Variants in RAPGEF2 observed in about 807,000 individuals in gnomAD.
RAPGEF2 encodes the protein PDZ domain containing guanine nucleotide exchange factor (GEF) 1.
Under a neutral mutation model 186.7 loss-of-function variants are expected in RAPGEF2, and 54 were observed. That is an observed-to-expected ratio of 0.29 (90% CI 0.23 to 0.36). The LOEUF (loss-of-function observed/expected upper bound fraction) is 0.36. RAPGEF2 is among the 10% of genes least tolerant of loss of function. The probability of loss-of-function intolerance (pLI) is 1.00; values close to 1 mark genes in which losing one functional copy is unlikely to be tolerated. For synonymous variants in RAPGEF2, 712 were observed against 705.9 expected (o/e 1.01, Z -0.14); for missense variants, 1,532 against 2,045.0 (o/e 0.75, Z 4.84).
intron 7 of RAPGEF2, among the ~76,000 whole-genome samples, chr4:159,273,938 C>T (rs1005812283): frequency 3.3e-5 from 5 of 151,974 alleles, no homozygotes; most frequent in African/African-American, 9.7e-5. Flanking sequence ...ATTACAGGTG[C>T]GTGCCACCAC....
chr4:159,189,427 G>GGCAAGATATAACATT (rs1747887359), intron 2 of RAPGEF2, among the ~76,000 whole-genome samples: 1 of 152,088 alleles, frequency 6.6e-6, no homozygotes, highest in Non-Finnish European at 1.5e-5. Flanking sequence ...TGTTTTATCC[G>GGCAAGATATAACATT]TTTAGTTTAT....
intron 1 of RAPGEF2, among the ~76,000 whole-genome samples, chr4:159,184,485 A>C (rs1055638731): frequency 6.6e-6 from 1 of 152,158 alleles, no homozygotes; most frequent in Non-Finnish European, 1.5e-5. Flanking sequence ...CATTTCTCTG[A>C]TGGCCAGTGA....
Position 159,358,795 on chromosome 4 carries a change from C to A in RAPGEF2, c.*656C>A, listed in dbSNP as rs1449212700. On this transcript the variant is annotated 3_prime_UTR_variant, in exon 30 of 30. Coordinates refer to ENST00000691494, the MANE Select transcript of RAPGEF2 (RefSeq NM_001394067.2). ...CCTGGTTTCTGAAAAACCAAATATG[C>A]CGGACAGGGTGTGGCCACACCAAGA... 6.6e-6 allele frequency: 1 copy of A among 152,212 alleles called. No homozygotes were observed. Among genetic ancestry groups the A allele is most frequent in the Non-Finnish European group, 1.5e-5 (1 of 68,044 alleles). The allele number at this position is 152,212 out of a possible 1,614,324, so 9.4% of individuals were successfully genotyped here.
At chr4:159,214,029 T>C (rs1387032769) in intron 4 of RAPGEF2, among the ~76,000 whole-genome samples, 1 of 152,222 alleles carries the variant, frequency 6.6e-6, no homozygotes, top group African/African-American at 2.4e-5. Context: ...CAAGGTACAA[T>C]TTATAGTTAT....
intron 12 of RAPGEF2, 77 bp from the exon 13 acceptor site, chr4:159,330,257 A>G (rs13136697): frequency 7.0e-5 from 39 of 559,998 alleles, no homozygotes; most frequent in African/African-American, 2.9e-4. Context: ...GTGTGTGTGT[A>G]TATGTATATG....
chr4:159,115,851 T>A lies in RAPGEF2; in HGVS notation c.69+11620T>A, dbSNP rs1738990595. Among the ~76,000 whole-genome samples the A allele has an allele frequency of 2.0e-5, 3 of 152,230 alleles. No individual in the cohort carries two copies. The South Asian group carries it at 6.2e-4, about 32-fold the overall frequency. ...AGCAATGGGGAGAGGATTCTCTATT[T>A]AATAAATGGTGCTGGGAAAACTGGC... On this transcript the variant is annotated intron_variant, in intron 1 of 29. Transcript: ENST00000691494.
intron 26 of RAPGEF2, chr4:159,351,016 G>C: frequency 6.7e-7 from 1 of 1,498,260 alleles, no homozygotes; most frequent in South Asian, 1.2e-5. Context: ...TCCTGTCCTT[G>C]TTACATGGAT....
chr4:159,194,746 T>C (rs890331211), intron 3 of RAPGEF2, among the ~76,000 whole-genome samples: 3 of 152,216 alleles, frequency 2.0e-5, no homozygotes, highest in Non-Finnish European at 4.4e-5. Context: ...TGATTGTTGA[T>C]TTTCTTTAAG....
intron 1 of RAPGEF2, among the ~76,000 whole-genome samples, chr4:159,169,824 A>G (rs980886662): frequency 6.6e-6 from 1 of 152,030 alleles, no homozygotes; most frequent in African/African-American, 2.4e-5. Flanking sequence ...CCATTGAGGG[A>G]CGTTTAGGTT....
At chr4:159,179,453 A>G (rs1157254859) in intron 1 of RAPGEF2, among the ~76,000 whole-genome samples, 1 of 152,210 alleles carries the variant, frequency 6.6e-6, no homozygotes, top group Non-Finnish European at 1.5e-5. Context: ...TAACTCCCTG[A>G]AGGCCATACA....
At chr4:159,155,581 C>T (rs1290979553) in intron 1 of RAPGEF2, among the ~76,000 whole-genome samples, 2 of 152,172 alleles carry the variant, frequency 1.3e-5, no homozygotes, top group Non-Finnish European at 1.5e-5. Context: ...TATTGTTCCA[C>T]ACCTGAATTG....
rs570394606 is a variant in RAPGEF2 at position 159,199,853 on chromosome 4, GAA to G, written c.197+6599_197+6600del. 4.8e-3 allele frequency among the ~76,000 whole-genome samples: 736 copies of G among 152,246 alleles called. 2 individuals carry two copies. Among genetic ancestry groups the G allele is most frequent in the African/African-American group, 0.017 (690 of 41,518 alleles). On this transcript the variant is annotated intron_variant, in intron 3 of 29. Transcript: ENST00000691494. ...CTGAGACCCAGGTGACTCCAGGTGA[GAA>G]ACAGGTTTCTTGTGAAGATAAAATT... is the stretch of plus-strand genomic sequence containing the variant.
intron 1 of RAPGEF2, among the ~76,000 whole-genome samples, chr4:159,106,060 C>CT (rs1324031783): frequency 2.6e-5 from 4 of 152,216 alleles, no homozygotes; most frequent in African/African-American, 9.7e-5. Flanking sequence ...AACTGTTAAA[C>CT]TTTCCTGTTC....
intron 1 of RAPGEF2, among the ~76,000 whole-genome samples, chr4:159,142,810 G>C (rs936652760): frequency 3.3e-5 from 5 of 152,094 alleles, no homozygotes; most frequent in African/African-American, 9.7e-5. Context: ...CATTTCACCT[G>C]TATTATGTGT....
intron 6 of RAPGEF2, 45 bp from the exon 7 acceptor site, chr4:159,243,728 CT>C (rs1303946369): frequency 1.6e-6 from 2 of 1,221,426 alleles, no homozygotes; most frequent in South Asian, 2.5e-5. Flanking sequence ...TAATGTTCAT[CT>C]TTTCCTTTCC....
chr4:159,315,118 C>T (rs767729733), intron 9 of RAPGEF2, among the ~76,000 whole-genome samples: 13 of 151,466 alleles, frequency 8.6e-5, no homozygotes, highest in Non-Finnish European at 1.6e-4. Context: ...TTATTAAGCT[C>T]ATGTTTTCTG....
chr4:159,276,220 G>C (rs1180366523), intron 7 of RAPGEF2, among the ~76,000 whole-genome samples: 1 of 152,108 alleles, frequency 6.6e-6, no homozygotes, highest in African/African-American at 2.4e-5. Context: ...GTAAATTTAT[G>C]CCCCAGGTTT....
intron 1 of RAPGEF2, among the ~76,000 whole-genome samples, chr4:159,110,940 G>A (rs1463365111): frequency 6.6e-6 from 1 of 151,872 alleles, no homozygotes; most frequent in Non-Finnish European, 1.5e-5. Context: ...CTATGTTCAA[G>A]TGATTATGTC....
chr4:159,201,872 C>T (rs1415305048), intron 3 of RAPGEF2, among the ~76,000 whole-genome samples: 1 of 152,150 alleles, frequency 6.6e-6, no homozygotes, highest in African/African-American at 2.4e-5. Context: ...TGTTAGTCTT[C>T]ATTTTATTTC....
Sources: allele counts gnomAD v4.1 joint callset (sites outside exome capture counted in the v4.1 genomes callset), GRCh38; gene constraint gnomAD v4.1.1; transcripts MANE v1.5; gene names NCBI Gene and HGNC (gene_info 2026-07-23, HGNC 2026-07-21).